PARM1: variants seen among roughly 807,000 people sequenced by gnomAD.
PARM1 encodes the protein WSC4, cell wall integrity and stress response component 4 homolog.
PARM1 carries 14 observed loss-of-function variants against 24.6 expected under a neutral mutation model. The observed-to-expected ratio is 0.57, with a 90% CI of 0.38 to 0.89. The LOEUF (loss-of-function observed/expected upper bound fraction) is 0.89, where lower values mean the gene tolerates loss of function less well. PARM1 is among the 40% of genes least tolerant of loss of function. The pLI is 0.00. For synonymous variants in PARM1, 179 were observed against 156.6 expected, an observed-to-expected ratio of 1.14 and a Z score of -1.07; for missense variants, 362 against 380.4, an observed-to-expected ratio of 0.95 and a Z score of 0.40.
intron 1 of PARM1, among the ~76,000 whole-genome samples, chr4:74,988,952 C>A (rs954465784): frequency 6.6e-6 from 1 of 152,144 alleles, no homozygotes; most frequent in African/African-American, 2.4e-5. Context: ...TGCTGAAGGG[C>A]TAGTTTGGAC....
At chr4:74,958,599 A>G (rs1049139967) in intron 1 of PARM1, among the ~76,000 whole-genome samples, 3 of 152,238 alleles carry the variant, frequency 2.0e-5, no homozygotes, top group African/African-American at 7.2e-5. Context: ...AGGCTCGACC[A>G]TAAGACAGTA....
At chr4:74,962,136 G>T (rs144183562) in intron 1 of PARM1, among the ~76,000 whole-genome samples, 131 of 152,254 alleles carry the variant, frequency 8.6e-4, no homozygotes, top group African/African-American at 3.0e-3. Context: ...TAAAGATACA[G>T]TTCTGTAATA....
chr4:75,042,342 G>A (rs1055046825), intron 3 of PARM1, among the ~76,000 whole-genome samples: 2 of 152,206 alleles, frequency 1.3e-5, no homozygotes, highest in Admixed American at 1.3e-4. Flanking sequence ...ATCAGTGCCA[G>A]TCTTTATTAA....
At chr4:74,979,157 C>A (rs566726035) in intron 1 of PARM1, among the ~76,000 whole-genome samples, 3 of 151,090 alleles carry the variant, frequency 2.0e-5, no homozygotes, top group East Asian at 3.9e-4. Context: ...CAAAAAAAAA[C>A]CTTCGAAAAA....
At chr4:74,934,998 T>TC (rs774991482) in intron 1 of PARM1, among the ~76,000 whole-genome samples, 32 of 126,252 alleles carry the variant, frequency 2.5e-4, no homozygotes, top group Non-Finnish European at 4.5e-4. Flanking sequence ...TCTTTTTTCT[T>TC]TTTTTTTTTT....
At chr4:74,973,308 C>T (rs1419126090) in intron 1 of PARM1, among the ~76,000 whole-genome samples, 1 of 152,042 alleles carries the variant, frequency 6.6e-6, no homozygotes, top group Admixed American at 6.5e-5. Context: ...AGATACTGTA[C>T]AGTACACATG....
At chr4:74,953,342 GTTA>G (rs1168040417) in intron 1 of PARM1, among the ~76,000 whole-genome samples, 3 of 152,178 alleles carry the variant, frequency 2.0e-5, no homozygotes. Context: ...ATTGATATGA[GTTA>G]TTATTTAAGG....
chr4:75,013,282 A>T (rs757546155), intron 2 of PARM1, 132 bp downstream of exon 2: 3 of 984,430 alleles, frequency 3.0e-6, no homozygotes, highest in Non-Finnish European at 4.4e-6. Flanking sequence ...ATTCACAAGA[A>T]TTTCCACGAG....
At chr4:75,002,538 G>GT (rs1412604729) in intron 1 of PARM1, among the ~76,000 whole-genome samples, 1 of 152,088 alleles carries the variant, frequency 6.6e-6, no homozygotes, top group Non-Finnish European at 1.5e-5. Flanking sequence ...AGGCCAGTGT[G>GT]TGTGACCTGC....
chr4:74,948,625 A>G (rs1262854294), intron 1 of PARM1, among the ~76,000 whole-genome samples: 1 of 152,160 alleles, frequency 6.6e-6, no homozygotes, highest in Non-Finnish European at 1.5e-5. Flanking sequence ...TGGTGAATGC[A>G]CTGGACACCA....
intron 1 of PARM1, 53 bp downstream of exon 1, chr4:74,933,423 C>T: frequency 4.6e-6 from 7 of 1,527,068 alleles, no homozygotes; most frequent in Non-Finnish European, 6.3e-6. Context: ...GCCCCAGTAG[C>T]TAGCGCGTGG....
At chr4:74,949,506 G>T (rs1721483924) in intron 1 of PARM1, among the ~76,000 whole-genome samples, 1 of 152,152 alleles carries the variant, frequency 6.6e-6, no homozygotes, top group Non-Finnish European at 1.5e-5. Context: ...TAGAGATGGG[G>T]TTTCACCATG....
chr4:74,942,486 A>G lies in PARM1; in HGVS notation c.43+9116A>G, dbSNP rs111937753. 2.3e-3 allele frequency among the ~76,000 whole-genome samples: 355 copies of G among 152,334 alleles called. 2 individuals are homozygous for G. Among genetic ancestry groups the G allele is most frequent in the African/African-American group, 8.0e-3 (333 of 41,578 alleles). On this transcript the variant is annotated intron_variant, in intron 1 of 3. Transcript: ENST00000307428. ...AACATATCCAAAACTGAGCTCCTAGACTTTCTTCCCCTAGGGGGCTTATCT... is the reference window on the plus strand; with the variant it reads ...AACATATCCAAAACTGAGCTCCTAGGCTTTCTTCCCCTAGGGGGCTTATCT...
chr4:75,011,446 C>A (rs1429696414), intron 1 of PARM1, among the ~76,000 whole-genome samples: 1 of 151,510 alleles, frequency 6.6e-6, no homozygotes, highest in African/African-American at 2.4e-5. Context: ...TACTGAGATG[C>A]AAATGACTGG....
At chr4:74,956,264 T>C (rs934761115) in intron 1 of PARM1, 1 of 152,202 alleles carries the variant, frequency 6.6e-6, no homozygotes, top group African/African-American at 2.4e-5. Flanking sequence ...CACTTTTTCA[T>C]TGTACCCACA....
At chr4:74,934,087 G>A (rs1721125864) in intron 1 of PARM1, among the ~76,000 whole-genome samples, 1 of 151,954 alleles carries the variant, frequency 6.6e-6, no homozygotes, top group Non-Finnish European at 1.5e-5. Flanking sequence ...CTTCGTAGGA[G>A]CCACTCTCGG....
intron 1 of PARM1, among the ~76,000 whole-genome samples, chr4:74,973,937 C>T (rs902698661): frequency 6.6e-6 from 1 of 152,010 alleles, no homozygotes; most frequent in Non-Finnish European, 1.5e-5. Flanking sequence ...AGAATTGGCT[C>T]GGATGATTAC....
At chr4:74,938,579 A>G (rs1721240284) in intron 1 of PARM1, among the ~76,000 whole-genome samples, 1 of 152,216 alleles carries the variant, frequency 6.6e-6, no homozygotes, top group African/African-American at 2.4e-5. Flanking sequence ...CTAGAAATAC[A>G]GAGCTAATAG....
intron 3 of PARM1, among the ~76,000 whole-genome samples, chr4:75,038,931 T>C (rs1280475037): frequency 6.6e-6 from 1 of 152,226 alleles, no homozygotes; most frequent in African/African-American, 2.4e-5. Flanking sequence ...TGGGCTGTTT[T>C]CTTCACAAAA....
Sources: gnomAD v4.1 joint callset for allele counts (sites outside exome capture counted in the v4.1 genomes callset) on GRCh38, gnomAD v4.1.1 for gene constraint, MANE v1.5 for transcripts, NCBI Gene and HGNC (gene_info 2026-07-23, HGNC 2026-07-21) for gene names.